The following SLC2A3 variants were observed in gnomAD, a reference collection of about 807,000 sequenced individuals.
SLC2A3 encodes solute carrier family 2 member 3.
In SLC2A3, 21 loss-of-function variants were observed where a neutral mutation model predicts 46.4. That is an observed-to-expected ratio of 0.45 (90% CI 0.32 to 0.65). The LOEUF is 0.65. Ranked by LOEUF, SLC2A3 falls within the 30% of genes least tolerant of loss-of-function variation. SLC2A3 has a pLI of 0.04. For missense variants in SLC2A3, 499 were observed against 623.3 expected (o/e 0.80, Z 2.12); for synonymous variants, 213 against 239.4 (o/e 0.89, Z 1.02).
At position 7,922,347 on chromosome 12, in the gene SLC2A3, G is replaced by C. The variant is rs927075749; in HGVS notation, c.1272+474C>G. On this transcript the variant is annotated intron_variant, in intron 9 of 9. Transcript: ENST00000075120. ...CTCAAAGTGCTGGAATTACAGGCTT[G>C]AGCCACTGTGTCTGGCCGCAAATTA... Among the ~76,000 whole-genome samples the C allele has an allele frequency of 5.9e-5, 9 of 152,232 alleles. 1 individual carries two copies. The Middle Eastern group carries it at 0.01, about 173-fold the overall frequency.
chr12:7,930,328 G>T (rs186289355), intron 5 of SLC2A3, 152 bp downstream of exon 5: 12 of 797,824 alleles, frequency 1.5e-5, no homozygotes, highest in Admixed American at 2.9e-5. Flanking sequence ...TTCTTTAGGG[G>T]CTGAAAATTT....
rs751111296 is a variant in SLC2A3, at chr12:7,922,880, C to T, written c.1213G>A (p.Ala405Thr). The T allele has an allele frequency of 6.2e-7, 1 of 1,614,102 alleles. No individual in the cohort carries two copies. The highest frequency in any genetic ancestry group is 1.1e-5 in the South Asian group (1 of 91,074). Residue 405 changes from alanine to threonine, a missense_variant, in exon 9 of 10, where the codon GCC (alanine) becomes ACC (threonine). Ala to Thr is a moderately conservative substitution (Grantham distance 58, BLOSUM62 0). Coordinates refer to ENST00000075120, the MANE Select transcript of SLC2A3 (RefSeq NM_006931.3). ...QGPRPAAMAVAGCSNWTSNFL... is the reference protein window; with the variant it reads ...QGPRPAAMAVTGCSNWTSNFL... ...TTGGAGGTCCAGTTGGAGCAGCCGG[C>T]CACTGCCATCGCAGCTGGGCGGGGG...
At chr12:7,930,792 G>GTTTTTTTTTTTTTTTT (rs66814289) in intron 4 of SLC2A3, 150 bp from the exon 5 acceptor site, 1 of 236,022 alleles carries the variant, frequency 4.2e-6, no homozygotes, top group African/African-American at 3.7e-5. Context: ...ACTCAGCATG[G>GTTTTTTTTTTTTTTTT]TTTTTTTTTT....
At chr12:7,932,937 C>T in intron 3 of SLC2A3, 50 bp downstream of exon 3, 3 of 1,607,134 alleles carry the variant, frequency 1.9e-6, no homozygotes, top group Non-Finnish European at 2.6e-6. Flanking sequence ...CACACTTGTC[C>T]TCAATGTGGC....
At chr12:7,926,825 T>C (rs776015497) in intron 6 of SLC2A3, among the ~76,000 whole-genome samples, 4 of 152,290 alleles carry the variant, frequency 2.6e-5, no homozygotes, top group African/African-American at 9.6e-5. Flanking sequence ...TGAAGTGTTT[T>C]ATGAAATAAT....
rs959195328 is a variant in SLC2A3, at chr12:7,929,611, C to T, written c.861+73G>A. On this transcript the variant is annotated intron_variant, in intron 6 of 9. Coordinates refer to ENST00000075120, the MANE Select transcript of SLC2A3 (RefSeq NM_006931.3). Reference sequence around the variant, plus strand: ...TCCTGAGTAGCTGGGACTACAGAGGCACACCGCCACCATGCCCGGCATTTT... The same window carrying T: ...TCCTGAGTAGCTGGGACTACAGAGGTACACCGCCACCATGCCCGGCATTTT... The T allele has an allele frequency of 1.3e-5, 21 of 1,563,680 alleles. No homozygotes were observed. The African/African-American group carries it at 2.7e-4, about 20-fold the overall frequency.
chr12:7,929,356 A>G (rs1409776926), intron 6 of SLC2A3: 2 of 278,436 alleles, frequency 7.2e-6, no homozygotes, highest in African/African-American at 2.2e-5. Flanking sequence ...ACTATCATCT[A>G]TCATGCCCTC....
intron 5 of SLC2A3, 193 bp downstream of exon 5, chr12:7,930,282 GATAGC>G (rs1946138474): frequency 5.0e-6 from 3 of 599,372 alleles, no homozygotes; most frequent in Non-Finnish European, 8.4e-6. Context: ...CACCCTGCCT[GATAGC>G]ATCCATTCCT....
intron 1 of SLC2A3, 57 bp from the exon 2 acceptor site, chr12:7,933,959 G>A (rs1190527769): frequency 2.7e-6 from 4 of 1,499,884 alleles, no homozygotes; most frequent in Non-Finnish European, 3.7e-6. Context: ...ATTGATGACT[G>A]TTTCTTATTA....
chr12:7,930,797 T>G (rs1366836206), intron 4 of SLC2A3, among the ~76,000 whole-genome samples, 155 bp from the exon 5 acceptor site: 1 of 142,730 alleles, frequency 7.0e-6, no homozygotes, highest in African/African-American at 2.6e-5. Context: ...GCATGGTTTT[T>G]TTTTTTTTTT....
chr12:7,931,473 C>T lies in SLC2A3; in HGVS notation c.282G>A (p.Met94Ile), dbSNP rs766587504. 24 of 1,614,074 alleles carry T rather than the reference C, an allele frequency of 1.5e-5. No individual in the cohort carries two copies. The highest frequency in any genetic ancestry group is 3.4e-6 in the Non-Finnish European group (4 of 1,180,036). The change falls in exon 4 of 10, where the codon ATG becomes ATA. Residue 94 changes from methionine (M) to isoleucine (I), a missense_variant. Met to Ile is a conservative substitution (Grantham distance 10). Coordinates refer to ENST00000075120, the MANE Select transcript of SLC2A3 (RefSeq NM_006931.3). Reference protein sequence around the residue: ...FVNRFGRRNSMLIVNLLAVTG... With the variant: ...FVNRFGRRNSILIVNLLAVTG... ...TGACAGCCAACAGGTTGACAATCAG[C>T]ATTGAATTGCGCCTGTAAGGTTAAT...
intron 6 of SLC2A3, among the ~76,000 whole-genome samples, chr12:7,926,692 C>T (rs1164135425): frequency 6.6e-6 from 1 of 152,136 alleles, no homozygotes. Flanking sequence ...GGCTCTTCCC[C>T]AAACTCTCAA....
At chr12:7,931,603 A>G in intron 3 of SLC2A3, 118 bp from the exon 4 acceptor site, 1 of 1,441,084 alleles carries the variant, frequency 6.9e-7, no homozygotes. Context: ...TTTTTAATCT[A>G]ACTTTTGTTT....
At chr12:7,935,278 C>T (rs1485808451) in intron 1 of SLC2A3, among the ~76,000 whole-genome samples, 2 of 152,240 alleles carry the variant, frequency 1.3e-5, no homozygotes, top group East Asian at 3.9e-4. Flanking sequence ...CATAGAGAAA[C>T]CCCGTCTCTA....
chr12:7,923,914 A>C (rs1239791588), intron 8 of SLC2A3, among the ~76,000 whole-genome samples: 2 of 151,840 alleles, frequency 1.3e-5, no homozygotes, highest in Non-Finnish European at 2.9e-5. Context: ...CATTAGAGGC[A>C]TGCACCACCA....
rs775960896 is a variant in SLC2A3 at position 7,929,800 on chromosome 12, T to A, written c.745A>T (p.Met249Leu). 2.5e-6 allele frequency: 4 copies of A among 1,613,716 alleles called. 1 individual carries two copies. In the South Asian group the frequency reaches 4.4e-5, roughly 18 times the overall value. ...ACGGTGACTTGCTTTTCTTGTGACA[T>A]CCTTGCACTCTCATCTTTCATCTCC... ...IQEMKDESAR[M>L]SQEKQVTVLE... The change falls in exon 6 of 10, where the codon ATG becomes TTG. Residue 249 changes from methionine (M) to leucine (L), a missense_variant. Physicochemically the swap from Met to Leu is conservative, Grantham distance 15. Around this residue, in one of 5 missense-constraint regions of SLC2A3, gnomAD observed 65 missense variants for 88.4 expected, o/e 0.74. Transcript: ENST00000075120.
At chr12:7,932,326 T>C (rs1592358323) in intron 3 of SLC2A3, among the ~76,000 whole-genome samples, 1 of 151,994 alleles carries the variant, frequency 6.6e-6, no homozygotes, top group African/African-American at 2.4e-5. Flanking sequence ...TATAGGTGCC[T>C]GTCACTACGC....
chr12:7,923,087 C>A, intron 8 of SLC2A3, 63 bp from the exon 9 acceptor site: 1 of 1,489,156 alleles, frequency 6.7e-7, no homozygotes, highest in Non-Finnish European at 9.0e-7. Flanking sequence ...ATCTAGGTTC[C>A]CAGAAGCAAT....
chr12:7,929,983 C>T (rs1297852050), intron 5 of SLC2A3, 112 bp from the exon 6 acceptor site: 3 of 1,506,824 alleles, frequency 2.0e-6, no homozygotes, highest in African/African-American at 2.8e-5. Context: ...TGGGTAGCAT[C>T]CATTCCTTTT....
Sources: allele counts gnomAD v4.1 joint callset (sites outside exome capture counted in the v4.1 genomes callset), GRCh38; gene constraint gnomAD v4.1.1; regional missense constraint gnomAD v4.1.1; transcripts MANE v1.5; gene names NCBI Gene and HGNC (gene_info 2026-07-23, HGNC 2026-07-21).